Variants in CELF2 observed in about 807,000 individuals in gnomAD.
CELF2 encodes CUG triplet repeat RNA-binding protein 2.
A neutral mutation model predicts 62.6 loss-of-function variants in CELF2; 8 were observed. The ratio of observed to expected loss-of-function variants is 0.13; its 90% CI spans 0.07 to 0.23. The LOEUF is 0.23. Among genes scored for constraint, CELF2 ranks in the 10% least tolerant of loss-of-function variants. CELF2 has a pLI of 1.00. For synonymous variants in CELF2, 258 were observed against 250.0 expected (o/e 1.03, Z -0.30); for missense variants, 333 against 671.0 (o/e 0.50, Z 5.56).
intron 2 of CELF2, among the ~76,000 whole-genome samples, chr10:10,975,193 C>T (rs1321665234): frequency 6.6e-6 from 1 of 152,172 alleles, no homozygotes; most frequent in East Asian, 1.9e-4. Flanking sequence ...TCATGGCGTA[C>T]TGCAGCTTCA....
the CELF2 span, among the ~76,000 whole-genome samples, chr10:10,566,970 A>G: frequency 5.9e-5 from 9 of 152,204 alleles, no homozygotes; most frequent in African/African-American, 1.2e-4. Flanking sequence ...AGAGGCACAC[A>G]TATTTACCTC....
At chr10:11,067,091 A>G (rs2068375491) in intron 1 of CELF2, among the ~76,000 whole-genome samples, 1 of 152,156 alleles carries the variant, frequency 6.6e-6, no homozygotes, top group Non-Finnish European at 1.5e-5. Context: ...ATGTCACTCT[A>G]GCTTTTTTAT....
chr10:11,134,471 C>T (rs1200311082), intron 1 of CELF2, among the ~76,000 whole-genome samples: 1 of 152,212 alleles, frequency 6.6e-6, no homozygotes, highest in African/African-American at 2.4e-5. Flanking sequence ...CTTGGAGCTG[C>T]TGGGTGATTG....
intron 1 of CELF2, among the ~76,000 whole-genome samples, chr10:10,826,183 A>C (rs1564677293): frequency 6.6e-6 from 1 of 152,126 alleles, no homozygotes; most frequent in Non-Finnish European, 1.5e-5. Context: ...AAAAAAAAAC[A>C]ATCCTTAGTT....
intron 2 of CELF2, among the ~76,000 whole-genome samples, chr10:11,179,663 G>T (rs557209185): frequency 1.3e-4 from 20 of 152,300 alleles, no homozygotes; most frequent in Non-Finnish European, 2.6e-4. Context: ...GACTACTGGG[G>T]CATGATGGAA....
At chr10:10,653,366 C>T in the CELF2 span, among the ~76,000 whole-genome samples, 3 of 148,578 alleles carry the variant, frequency 2.0e-5, no homozygotes, top group East Asian at 5.8e-4. Context: ...ACCAAGTGGA[C>T]CTAATAGACA....
At position 11,243,311 on chromosome 10, in the gene CELF2, A is replaced by C. The variant is rs555317164; in HGVS notation, c.355-5842A>C. Among the ~76,000 whole-genome samples the C allele has an allele frequency of 6.6e-6, 1 of 152,054 alleles. No homozygotes were observed. Among genetic ancestry groups the C allele is most frequent in the East Asian group, 1.9e-4 (1 of 5,164 alleles). Reference sequence around the variant, plus strand: ...AACAAATAGGGCTAAATAGAGACCAAGAAGTTAACCATGTACCTTAACGTG... The same window carrying C: ...AACAAATAGGGCTAAATAGAGACCACGAAGTTAACCATGTACCTTAACGTG... On this transcript the variant is annotated intron_variant, in intron 3 of 12. Coordinates refer to ENST00000633077, the MANE Select transcript of CELF2 (RefSeq NM_001326342.2). The surrounding 1 kb of genome is among the most constrained non-coding windows in gnomAD (Gnocchi z 4.1).
the CELF2 span, among the ~76,000 whole-genome samples, chr10:10,528,711 CTTT>C: frequency 6.6e-6 from 1 of 152,306 alleles, no homozygotes; most frequent in African/African-American, 2.4e-5. Flanking sequence ...AGCAATACTT[CTTT>C]AAGATCTTTT....
At chr10:11,230,168 T>C (rs1389372087) in intron 3 of CELF2, among the ~76,000 whole-genome samples, 1 of 152,170 alleles carries the variant, frequency 6.6e-6, no homozygotes, top group East Asian at 1.9e-4. Flanking sequence ...GCATTTGAAC[T>C]AGATCCCTGG....
chr10:10,893,005 G>A (rs1029680856), intron 1 of CELF2, among the ~76,000 whole-genome samples: 1 of 152,184 alleles, frequency 6.6e-6, no homozygotes, highest in African/African-American at 2.4e-5. Flanking sequence ...TCTTATGGTT[G>A]TTTTCTCTTA....
chr10:11,289,869 T>C (rs2092224240), intron 9 of CELF2, among the ~76,000 whole-genome samples: 1 of 152,214 alleles, frequency 6.6e-6, no homozygotes, highest in Non-Finnish European at 1.5e-5. Context: ...TTCCCCTTCA[T>C]AAAAATAAGT....
the CELF2 span, among the ~76,000 whole-genome samples, chr10:10,522,181 G>T: frequency 0.14 from 21,379 of 152,164 alleles, 1,725 homozygotes; most frequent in East Asian, 0.22. Flanking sequence ...TTCTCCACAT[G>T]TTGTTTGCAA....
At chr10:11,239,720 A>G (rs1202397014) in intron 3 of CELF2, among the ~76,000 whole-genome samples, 1 of 151,988 alleles carries the variant, frequency 6.6e-6, no homozygotes, top group Non-Finnish European at 1.5e-5. Flanking sequence ...TTTTTTTTAA[A>G]CTGGCTTAGA....
At chr10:10,641,663 G>C in the CELF2 span, among the ~76,000 whole-genome samples, 24 of 152,150 alleles carry the variant, frequency 1.6e-4, no homozygotes, top group African/African-American at 5.8e-4. Context: ...TGGCCAGGCT[G>C]GTCTCACACT....
chr10:10,587,135 G>A, the CELF2 span, among the ~76,000 whole-genome samples: 5 of 152,152 alleles, frequency 3.3e-5, no homozygotes, highest in Non-Finnish European at 5.9e-5. Context: ...ACTATTTGGT[G>A]AAGGGAGAGA....
At chr10:11,167,869 G>A (rs1289294367) in intron 2 of CELF2, among the ~76,000 whole-genome samples, 1 of 152,156 alleles carries the variant, frequency 6.6e-6, no homozygotes, top group Non-Finnish European at 1.5e-5. Context: ...ACATTTTACA[G>A]ATGAGGAAAC....
chr10:10,504,849 A>G, the CELF2 span, among the ~76,000 whole-genome samples: 4 of 151,738 alleles, frequency 2.6e-5, no homozygotes, highest in African/African-American at 9.7e-5. Flanking sequence ...TATTTTGGTT[A>G]TCATATTTCT....
intron 8 of CELF2, among the ~76,000 whole-genome samples, chr10:11,283,926 A>G (rs367548229): frequency 9.0e-6 from 1 of 111,352 alleles, no homozygotes; most frequent in Non-Finnish European, 1.9e-5. Context: ...TGGATGATGG[A>G]TGAGTGTGTG....
chr10:10,673,796 A>G, the CELF2 span, among the ~76,000 whole-genome samples: 1 of 152,132 alleles, frequency 6.6e-6, no homozygotes, highest in East Asian at 1.9e-4. Flanking sequence ...TGTTTTATAG[A>G]AGTCTATTTT....
Sources: gnomAD v4.1 joint callset for allele counts (sites outside exome capture counted in the v4.1 genomes callset) on GRCh38, gnomAD v4.1.1 for gene constraint, Gnocchi (gnomAD v3.1) non-coding constraint, MANE v1.5 for transcripts, NCBI Gene and HGNC (gene_info 2026-07-23, HGNC 2026-07-21) for gene names.